The following CDH13 variants were observed in gnomAD, a reference collection of about 807,000 sequenced individuals.
CDH13 encodes cadherin-13.
CDH13 carries 24 observed loss-of-function variants against 63.8 expected under a neutral mutation model. The observed-to-expected ratio is 0.38, with a 90% CI of 0.27 to 0.53. The LOEUF (loss-of-function observed/expected upper bound fraction) is 0.53. Among genes scored for constraint, CDH13 ranks in the 20% least tolerant of loss-of-function variants. The pLI is 0.85. For missense variants in CDH13, 1,049 were observed against 903.1 expected (o/e 1.16, Z -2.07); for synonymous variants, 503 against 355.3 (o/e 1.42, Z -4.67).
intron 6 of CDH13, among the ~76,000 whole-genome samples, chr16:83,357,437 A>G (rs1031441056): frequency 3.3e-5 from 5 of 152,100 alleles, no homozygotes; most frequent in African/African-American, 4.8e-5. Context: ...CTAGCTTTGG[A>G]AACCACGTTT....
At chr16:83,758,801 C>A (rs960347541) in intron 11 of CDH13, among the ~76,000 whole-genome samples, 2 of 152,144 alleles carry the variant, frequency 1.3e-5, no homozygotes, top group South Asian at 2.1e-4. Flanking sequence ...CACCAAATAG[C>A]AAGGTATAAA....
At chr16:83,006,918 TTG>T (rs1405984398) in intron 2 of CDH13, among the ~76,000 whole-genome samples, 8 of 127,514 alleles carry the variant, frequency 6.3e-5, no homozygotes, top group Non-Finnish European at 1.1e-4. Context: ...GTTTGTTTGT[TTG>T]TTTGTTTGTT....
rs540576486 is a variant in CDH13 at position 83,500,722 on chromosome 16, C to T, written c.960+14067C>T. On this transcript the variant is annotated intron_variant, in intron 7 of 13. Transcript: ENST00000567109. The stretch of plus-strand genomic sequence containing the variant: ...TGAGTAGCTGGGATTACAGGAAAGG[C>T]ACCCACCATCTTGCCCGGCTAATTT... Among the ~76,000 whole-genome samples the T allele has an allele frequency of 4.2e-3, 625 of 149,812 alleles. 11 individuals are homozygous for T. The highest frequency in any genetic ancestry group is 0.039 in the South Asian group (181 of 4,634).
chr16:83,007,390 C>T (rs1382682524), intron 2 of CDH13, among the ~76,000 whole-genome samples: 1 of 152,158 alleles, frequency 6.6e-6, no homozygotes, highest in Non-Finnish European at 1.5e-5. Flanking sequence ...AACTATGGTT[C>T]AAAATGGCAG....
At chr16:83,228,647 C>T (rs1416695978) in intron 5 of CDH13, among the ~76,000 whole-genome samples, 1 of 152,164 alleles carries the variant, frequency 6.6e-6, no homozygotes, top group Non-Finnish European at 1.5e-5. Context: ...GTGAGAACAG[C>T]TGATGGAAGA....
intron 1 of CDH13, among the ~76,000 whole-genome samples, chr16:82,788,041 A>C (rs2036105597): frequency 6.6e-6 from 1 of 152,186 alleles, no homozygotes; most frequent in Non-Finnish European, 1.5e-5. Flanking sequence ...ATCATCTTCA[A>C]GAAGTGCCCT....
chr16:83,311,381 C>T (rs2089996935), intron 5 of CDH13, among the ~76,000 whole-genome samples: 1 of 152,140 alleles, frequency 6.6e-6, no homozygotes, highest in Non-Finnish European at 1.5e-5. Context: ...ATACCAGAGC[C>T]CAGCTACACA....
At chr16:82,680,924 C>G (rs572203533) in intron 1 of CDH13, among the ~76,000 whole-genome samples, 1 of 152,264 alleles carries the variant, frequency 6.6e-6, no homozygotes, top group South Asian at 2.1e-4. Context: ...CTCAGTAGCT[C>G]CCATGAGCCA....
chr16:82,963,536 C>T (rs1473380204), intron 2 of CDH13, among the ~76,000 whole-genome samples: 2 of 152,164 alleles, frequency 1.3e-5, no homozygotes, highest in Non-Finnish European at 2.9e-5. Flanking sequence ...GACTCTGTTT[C>T]CTCTTACATT....
chr16:82,955,759 C>T (rs1180215855), intron 2 of CDH13, among the ~76,000 whole-genome samples: 2 of 152,166 alleles, frequency 1.3e-5, no homozygotes, highest in Non-Finnish European at 2.9e-5. Flanking sequence ...TCATTGCAAG[C>T]AGCTACTGCA....
chr16:82,734,918 G>A (rs2033593113), intron 1 of CDH13, among the ~76,000 whole-genome samples: 2 of 152,190 alleles, frequency 1.3e-5, no homozygotes, highest in Non-Finnish European at 2.9e-5. Context: ...CTGCATTGAA[G>A]TAGGATCTTG....
Position 83,014,816 on chromosome 16 carries a change from GTA to G in CDH13, c.158-17184_158-17183del, listed in dbSNP as rs1378898826. ...TGTATATATATATGTATATATATTTGTATATATATATTTGTATATATATTTGT... is the reference window on the plus strand; with the variant it reads ...TGTATATATATATGTATATATATTTGTATATATATTTGTATATATATTTGT... On this transcript the variant is annotated intron_variant, in intron 2 of 13. Coordinates refer to ENST00000567109, the MANE Select transcript of CDH13 (RefSeq NM_001257.5). Among the ~76,000 whole-genome samples the G allele has an allele frequency of 4.7e-5, 3 of 64,162 alleles. 1 individual carries two copies. Among genetic ancestry groups the G allele is most frequent in the Non-Finnish European group, 8.8e-5 (3 of 34,144 alleles). The allele number at this position is 64,162 out of a possible 152,430, so 42.1% of individuals were successfully genotyped here. A position where few individuals can be genotyped will look rare whatever the true frequency, so the allele number is the denominator to read the frequency against.
At chr16:83,602,412 A>G in intron 7 of CDH13, 42 bp from the exon 8 acceptor site, 1 of 1,612,214 alleles carries the variant, frequency 6.2e-7, no homozygotes, top group Non-Finnish European at 8.5e-7. Flanking sequence ...CAGTAACCCA[A>G]ATCTAAATGT....
chr16:83,740,320 C>CTT (rs1911941963), intron 10 of CDH13, among the ~76,000 whole-genome samples: 1 of 151,910 alleles, frequency 6.6e-6, no homozygotes, highest in Non-Finnish European at 1.5e-5. Flanking sequence ...TTAACACTGG[C>CTT]TGCTCTTTGG....
At chr16:83,418,995 C>A (rs1300046598) in intron 6 of CDH13, among the ~76,000 whole-genome samples, 1 of 152,136 alleles carries the variant, frequency 6.6e-6, no homozygotes, top group Non-Finnish European at 1.5e-5. Flanking sequence ...TGCCAGCCAA[C>A]TTTGCACTGC....
intron 11 of CDH13, among the ~76,000 whole-genome samples, chr16:83,769,400 T>A (rs1914612998): frequency 6.6e-6 from 1 of 152,218 alleles, no homozygotes; most frequent in African/African-American, 2.4e-5. Context: ...AGCCACTCAC[T>A]GCAGCAGAGT....
intron 7 of CDH13, chr16:83,508,303 A>T (rs952874147): frequency 6.5e-6 from 1 of 154,694 alleles, no homozygotes. Flanking sequence ...AGCAGTGAGA[A>T]GATGGGGTAA....
intron 4 of CDH13, among the ~76,000 whole-genome samples, chr16:83,135,188 C>G (rs867829788): frequency 6.6e-6 from 1 of 152,156 alleles, no homozygotes; most frequent in Non-Finnish European, 1.5e-5. Context: ...GTAGGCAATC[C>G]TACACTCATT....
At chr16:83,708,374 G>T (rs1408327831) in intron 10 of CDH13, among the ~76,000 whole-genome samples, 1 of 152,196 alleles carries the variant, frequency 6.6e-6, no homozygotes, top group Non-Finnish European at 1.5e-5. Flanking sequence ...AGGTAGCATG[G>T]TGGTTCAGGT....
Sources: allele counts gnomAD v4.1 joint callset (sites outside exome capture counted in the v4.1 genomes callset), GRCh38; gene constraint gnomAD v4.1.1; transcripts MANE v1.5; gene names NCBI Gene and HGNC (gene_info 2026-07-23, HGNC 2026-07-21).